BABAM2: variants seen among roughly 807,000 people sequenced by gnomAD.
The protein encoded by BABAM2 is BRISC and BRCA1-A complex member 2.
In BABAM2, 31 loss-of-function variants were observed where a neutral mutation model predicts 54.7. The observed-to-expected ratio is 0.57, with a 90% confidence interval of 0.43 to 0.77. The LOEUF (loss-of-function observed/expected upper bound fraction) is 0.77. BABAM2 is among the 30% of genes least tolerant of loss of function. The pLI, the probability that BABAM2 is intolerant of heterozygous loss-of-function variation, is 0.00. For synonymous variants in BABAM2, 167 were observed against 162.9 expected (o/e 1.03, Z -0.19); for missense variants, 364 against 455.8 (o/e 0.80, Z 1.83).
chr2:28,262,611 G>A (rs1162572335), intron 10 of BABAM2, among the ~76,000 whole-genome samples: 2 of 152,154 alleles, frequency 1.3e-5, no homozygotes, highest in East Asian at 3.9e-4. Context: ...AGCTGATGAT[G>A]CCATCATCTT....
intron 9 of BABAM2, among the ~76,000 whole-genome samples, chr2:28,243,513 C>G (rs1334690332): frequency 6.6e-6 from 1 of 151,452 alleles, no homozygotes; most frequent in Non-Finnish European, 1.5e-5. Flanking sequence ...GCCTGGGCAA[C>G]AGAGCTAGAC....
intron 7 of BABAM2, among the ~76,000 whole-genome samples, chr2:28,208,063 G>A (rs1459862736): frequency 8.1e-6 from 1 of 123,490 alleles, no homozygotes; most frequent in Admixed American, 8.5e-5. Flanking sequence ...GTGTGTGTGT[G>A]TGTACACATG....
intron 6 of BABAM2, among the ~76,000 whole-genome samples, chr2:28,123,709 C>G (rs1254704815): frequency 6.6e-6 from 1 of 152,178 alleles, no homozygotes; most frequent in Non-Finnish European, 1.5e-5. Flanking sequence ...TTTAAGCACT[C>G]AAATTCAAAC....
intron 2 of BABAM2, 98 bp downstream of exon 2, chr2:27,894,782 C>T: frequency 1.4e-6 from 2 of 1,402,612 alleles, no homozygotes; most frequent in South Asian, 1.3e-5. Flanking sequence ...TTGACTGCCA[C>T]AGAAACCCAC....
chr2:28,264,258 A>G (rs1427986485), intron 10 of BABAM2, among the ~76,000 whole-genome samples: 2 of 152,198 alleles, frequency 1.3e-5, no homozygotes, highest in African/African-American at 2.4e-5. Flanking sequence ...GCCAGATACC[A>G]TACTGGATAC....
At chr2:28,295,180 A>C (rs1284400068) in intron 10 of BABAM2, among the ~76,000 whole-genome samples, 1 of 152,236 alleles carries the variant, frequency 6.6e-6, no homozygotes, top group African/African-American at 2.4e-5. Flanking sequence ...TAATACCAGC[A>C]ACTCATTTTC....
At chr2:27,994,320 T>C (rs1672983096) in intron 4 of BABAM2, among the ~76,000 whole-genome samples, 2 of 152,242 alleles carry the variant, frequency 1.3e-5, no homozygotes, top group African/African-American at 4.8e-5. Context: ...CTTAGGTAAC[T>C]ATTATTAACA....
intron 7 of BABAM2, among the ~76,000 whole-genome samples, chr2:28,194,069 A>G (rs146006254): frequency 4.6e-5 from 7 of 152,236 alleles, no homozygotes; most frequent in African/African-American, 1.7e-4. Flanking sequence ...CCACTCAGAG[A>G]GCGGGCGGGA....
intron 2 of BABAM2, chr2:27,896,416 C>G (rs192273594): frequency 6.4e-4 from 98 of 154,150 alleles, no homozygotes; most frequent in Non-Finnish European, 1.2e-3. Context: ...AGGGCATCCA[C>G]TTTTGCCATT....
intron 6 of BABAM2, among the ~76,000 whole-genome samples, chr2:28,068,541 CTT>C (rs1042191316): frequency 1.2e-4 from 19 of 152,094 alleles, no homozygotes; most frequent in African/African-American, 4.3e-4. Context: ...GTGAAAAACT[CTT>C]ATATTCCATT....
chr2:28,054,003 TA>T (rs970338601), intron 6 of BABAM2, among the ~76,000 whole-genome samples: 9 of 152,148 alleles, frequency 5.9e-5, no homozygotes, highest in African/African-American at 1.2e-4. Context: ...ATTTGTCAAT[TA>T]AAAAATATGA....
Position 28,253,433 on chromosome 2 carries a change from A to G in BABAM2, c.934+8571A>G, listed in dbSNP as rs571685384. Among the ~76,000 whole-genome samples the G allele has an allele frequency of 3.9e-5, 6 of 151,962 alleles. No individual in the cohort carries two copies. The South Asian group carries it at 8.3e-4, about 21-fold the overall frequency. ...AAAAAAAAAGTATGGAGTGTATACC[A>G]TGCTCTAGACACTGTTCTCAGTACT... is the stretch of plus-strand genomic sequence containing the variant. On this transcript the variant is annotated intron_variant, in intron 10 of 11. Transcript: ENST00000379624.
At chr2:28,239,148 C>T (rs1344933643) in intron 8 of BABAM2, among the ~76,000 whole-genome samples, 2 of 150,482 alleles carry the variant, frequency 1.3e-5, no homozygotes, top group African/African-American at 5.0e-5. Context: ...AACTTATCAT[C>T]TGTTTTTCTT....
At chr2:28,042,866 T>C (rs1677217701) in intron 5 of BABAM2, among the ~76,000 whole-genome samples, 1 of 151,146 alleles carries the variant, frequency 6.6e-6, no homozygotes, top group Non-Finnish European at 1.5e-5. Context: ...CTACTGAAAA[T>C]ACAAAAAATT....
intron 2 of BABAM2, among the ~76,000 whole-genome samples, chr2:27,906,765 A>T (rs1253945270): frequency 6.6e-6 from 1 of 152,094 alleles, no homozygotes; most frequent in African/African-American, 2.4e-5. Flanking sequence ...GTGGGTAGAA[A>T]ATTCATCTAG....
chr2:28,106,819 A>G (rs1218433263), intron 6 of BABAM2, among the ~76,000 whole-genome samples: 2 of 152,194 alleles, frequency 1.3e-5, no homozygotes, highest in African/African-American at 2.4e-5. Flanking sequence ...TTTATTTAGC[A>G]TGGACTCATT....
Position 28,199,756 on chromosome 2 carries a change from T to C in BABAM2, c.681-37446T>C, listed in dbSNP as rs370238789. ...CTAGGAAGGCAGCGGTGGGCAGCAG[T>C]GGAAGTTTGAAGGACCTGCAGACTG... On this transcript the variant is annotated intron_variant, in intron 7 of 11. Transcript: ENST00000379624. 3.9e-5 allele frequency among the ~76,000 whole-genome samples: 6 copies of C among 152,128 alleles called. No homozygotes were observed. The East Asian group carries it at 7.7e-4, about 20-fold the overall frequency.
chr2:27,983,905 T>C (rs1193812948), intron 3 of BABAM2, among the ~76,000 whole-genome samples: 1 of 143,514 alleles, frequency 7.0e-6, no homozygotes, highest in East Asian at 2.0e-4. Context: ...TAGATAGAGA[T>C]AGTTTTGCTT....
At chr2:28,054,945 T>C (rs956514855) in intron 6 of BABAM2, among the ~76,000 whole-genome samples, 1 of 152,234 alleles carries the variant, frequency 6.6e-6, no homozygotes, top group South Asian at 2.1e-4. Flanking sequence ...ATTTAATTTG[T>C]ATTTCAAAGT....
Sources: gnomAD v4.1 joint callset for allele counts (sites outside exome capture counted in the v4.1 genomes callset) on GRCh38, gnomAD v4.1.1 for gene constraint, MANE v1.5 for transcripts, NCBI Gene and HGNC (gene_info 2026-07-23, HGNC 2026-07-21) for gene names.